PPP1R36: variants seen among roughly 807,000 people sequenced by gnomAD.
PPP1R36 encodes protein phosphatase 1 regulatory subunit 36, also known as chromosome 14 open reading frame 50.
A neutral mutation model predicts 53.4 loss-of-function variants in PPP1R36; 47 were observed. The observed-to-expected ratio is 0.88, with a 90% CI of 0.70 to 1.12. The LOEUF is 1.12. Ranked by LOEUF, PPP1R36 falls within the 50% of genes most tolerant of loss-of-function variation. The probability of loss-of-function intolerance (pLI) is 0.00; values close to 1 mark genes in which losing one functional copy is unlikely to be tolerated. For missense variants in PPP1R36, 456 were observed against 513.9 expected, an observed-to-expected ratio of 0.89 and a Z score of 1.09; for synonymous variants, 153 against 170.5, an observed-to-expected ratio of 0.90 and a Z score of 0.80.
intron 1 of PPP1R36, among the ~76,000 whole-genome samples, chr14:64,550,647 C>A (rs550135796): frequency 1.3e-5 from 2 of 152,334 alleles, no homozygotes; most frequent in East Asian, 3.9e-4. Context: ...TTCCTCCCTT[C>A]CTTTCTCCCT....
At chr14:64,576,897 A>C (rs1362307843) in intron 8 of PPP1R36, among the ~76,000 whole-genome samples, 1 of 152,224 alleles carries the variant, frequency 6.6e-6, no homozygotes, top group African/African-American at 2.4e-5. Flanking sequence ...TGTGGCACTC[A>C]GGGAGCGTAA....
chr14:64,571,515 A>G (rs10438021), intron 7 of PPP1R36, among the ~76,000 whole-genome samples: 2 of 152,132 alleles, frequency 1.3e-5, no homozygotes, highest in Non-Finnish European at 2.9e-5. Flanking sequence ...ATAGTTTTCC[A>G]TCAAGCCAAT....
intron 3 of PPP1R36, among the ~76,000 whole-genome samples, chr14:64,553,729 C>T (rs2080116763): frequency 6.7e-6 from 1 of 148,794 alleles, no homozygotes; most frequent in Non-Finnish European, 1.5e-5. Context: ...ATATGTTGAT[C>T]TGGGTGGTAG....
In PPP1R36 at chr14:64,574,465, G is replaced by A; in HGVS notation, c.544G>A (p.Glu182Lys). 6.2e-7 allele frequency: 1 copy of A among 1,612,902 alleles called. No homozygotes were observed. Among genetic ancestry groups the A allele is most frequent in the South Asian group, 1.1e-5 (1 of 90,616 alleles). Reference sequence around the variant, plus strand: ...TGTCCTCCCCATCAGAGGCCTTGTAGAGAAAAAAGAAATGGAATTGGTTTT... The same window carrying A: ...TGTCCTCCCCATCAGAGGCCTTGTAAAGAAAAAAGAAATGGAATTGGTTTT... ...KPKSYMVGLV[E>K]KKEMELVLSE... Residue 182 changes from glutamate to lysine, a missense_variant, in exon 8 of 12, where the codon GAG becomes AAG. Glu to Lys is a moderately conservative substitution (Grantham distance 56). Coordinates refer to ENST00000298705, the MANE Select transcript of PPP1R36 (RefSeq NM_172365.3).
chr14:64,570,992 G>C (rs562405181), intron 7 of PPP1R36, among the ~76,000 whole-genome samples: 1 of 152,144 alleles, frequency 6.6e-6, no homozygotes, highest in East Asian at 1.9e-4. Flanking sequence ...TAACTCCAAG[G>C]CTTGTGCCTT....
intron 3 of PPP1R36, 57 bp downstream of exon 3, chr14:64,552,918 A>G (rs2080108121): frequency 6.8e-7 from 1 of 1,472,854 alleles, no homozygotes; most frequent in Non-Finnish European, 9.5e-7. Context: ...AGATAGTTAC[A>G]GAAGTCAAAA....
intron 4 of PPP1R36, 146 bp from the exon 5 acceptor site, chr14:64,565,210 TC>T: frequency 1.6e-6 from 1 of 607,978 alleles, no homozygotes; most frequent in East Asian, 2.8e-5. Context: ...TAAAAAGCAT[TC>T]CAAAATGATC....
rs536306901 is a variant in PPP1R36 at position 64,588,427 on chromosome 14, T to A, written c.1082+132T>A. ...TGATGACAGCCCCCATTTTCTTACT[T>A]CTGCCCTGCTCCCCTCCTAGTTTCC... On this transcript the variant is annotated intron_variant, in intron 11 of 11. Transcript: ENST00000298705. 17 of 695,616 alleles carry A rather than the reference T, an allele frequency of 2.4e-5. No individual in the cohort carries two copies. The East Asian group carries it at 4.5e-4, about 19-fold the overall frequency. 43.1% of individuals were successfully genotyped at this position (695,616 alleles called of 1,614,324 possible). A position where few individuals can be genotyped will look rare whatever the true frequency, so the allele number is the denominator to read the frequency against.
In PPP1R36 at chr14:64,567,655, C is replaced by G. The variant is rs192239791; in HGVS notation, c.435-694C>G. 2.4e-3 allele frequency among the ~76,000 whole-genome samples: 360 copies of G among 152,108 alleles called. 1 individual carries two copies. The highest frequency in any genetic ancestry group is 3.4e-3 in the Non-Finnish European group (233 of 67,986). On this transcript the variant is annotated intron_variant, in intron 6 of 11. Coordinates refer to ENST00000298705, the MANE Select transcript of PPP1R36 (RefSeq NM_172365.3). ...TTCGAAAGTTTAGAAAGGATTCATA[C>G]CAAACTCTTTTTTTTTCTTTTTTTG...
chr14:64,556,200 G>A (rs1275095837), intron 3 of PPP1R36, among the ~76,000 whole-genome samples: 1 of 144,338 alleles, frequency 6.9e-6, no homozygotes, highest in Non-Finnish European at 1.5e-5. Context: ...CTGCCTCCCA[G>A]GCTCAAGCAA....
intron 8 of PPP1R36, among the ~76,000 whole-genome samples, chr14:64,585,498 C>A (rs969474770): frequency 2.5e-5 from 3 of 120,564 alleles, no homozygotes; most frequent in Admixed American, 2.0e-4. Flanking sequence ...GCCTGGATGA[C>A]AGAATGAGAC....
At chr14:64,583,071 A>AT (rs377337604) in intron 8 of PPP1R36, among the ~76,000 whole-genome samples, 3 of 127,622 alleles carry the variant, frequency 2.4e-5, no homozygotes, top group East Asian at 2.2e-4. Flanking sequence ...ATATATATAT[A>AT]TATATTTTTT....
At chr14:64,580,033 C>A (rs1039541333) in intron 8 of PPP1R36, among the ~76,000 whole-genome samples, 2 of 152,166 alleles carry the variant, frequency 1.3e-5, no homozygotes, top group African/African-American at 4.8e-5. Flanking sequence ...GGCACAGTGG[C>A]TCATGCCTGT....
At chr14:64,551,997 A>G (rs1362242199) in intron 2 of PPP1R36, among the ~76,000 whole-genome samples, 2 of 152,242 alleles carry the variant, frequency 1.3e-5, no homozygotes, top group African/African-American at 4.8e-5. Flanking sequence ...AATTAACTCC[A>G]GGTTGGTAAA....
At chr14:64,574,298 T>C (rs1230686725) in intron 7 of PPP1R36, among the ~76,000 whole-genome samples, 157 bp from the exon 8 acceptor site, 3 of 152,166 alleles carry the variant, frequency 2.0e-5, no homozygotes, top group Non-Finnish European at 1.5e-5. Context: ...GAGGCTGCAG[T>C]GAGCTGTGAT....
intron 11 of PPP1R36, 102 bp downstream of exon 11, chr14:64,588,397 A>G (rs2080454871): frequency 9.5e-7 from 1 of 1,049,368 alleles, no homozygotes. Context: ...CAGGGAATCG[A>G]GCCATGATGA....
At chr14:64,570,166 A>C (rs1246844126) in intron 7 of PPP1R36, among the ~76,000 whole-genome samples, 1 of 152,192 alleles carries the variant, frequency 6.6e-6, no homozygotes, top group African/African-American at 2.4e-5. Flanking sequence ...AGATTGACAA[A>C]AACAAACCAA....
At chr14:64,568,484 C>A in intron 7 of PPP1R36, 37 bp downstream of exon 7, 1 of 928,392 alleles carries the variant, frequency 1.1e-6, no homozygotes, top group South Asian at 1.7e-5. Flanking sequence ...AGAGTTTTAT[C>A]ACTGCCAGTA....
At chr14:64,560,746 TAC>T (rs2080199952) in intron 3 of PPP1R36, among the ~76,000 whole-genome samples, 1 of 152,188 alleles carries the variant, frequency 6.6e-6, no homozygotes, top group African/African-American at 2.4e-5. Context: ...GAGGTGGGAA[TAC>T]ACAGTAAAGG....
Sources: allele counts gnomAD v4.1 joint callset (sites outside exome capture counted in the v4.1 genomes callset), GRCh38; gene constraint gnomAD v4.1.1; transcripts MANE v1.5; gene names NCBI Gene and HGNC (gene_info 2026-07-23, HGNC 2026-07-21).